LURAP1L: variants seen among roughly 807,000 people sequenced by gnomAD.
LURAP1L encodes leucine rich adaptor protein 1-like.
In LURAP1L, 12 loss-of-function variants were observed where a neutral mutation model predicts 13.8. The observed-to-expected ratio is 0.87, with a 90% CI of 0.56 to 1.41. The LOEUF is 1.41. LURAP1L is among the 40% of genes most tolerant of loss of function. The pLI is 0.00. For missense variants in LURAP1L, 375 were observed against 292.9 expected (o/e 1.28, Z -2.04); for synonymous variants, 139 against 119.2 (o/e 1.17, Z -1.08).
chr9:12,778,966 C>T (rs967437723), intron 1 of LURAP1L, among the ~76,000 whole-genome samples: 2 of 152,276 alleles, frequency 1.3e-5, no homozygotes, highest in Non-Finnish European at 2.9e-5. Flanking sequence ...CCTATGCGTA[C>T]GTACCTATTG....
At position 12,775,751 on chromosome 9, in the gene LURAP1L, C is replaced by G. The variant is rs766243376; in HGVS notation, c.36C>G (p.Ile12Met). ...EDSPLPDLRD[I>M]ELKLGRKVPE... is the part of the protein sequence containing the mutation. ...GCCCGCTGCCAGACCTCAGAGACATCGAGCTGAAGCTGGGGCGCAAAGTAC... is the reference window on the plus strand; with the variant it reads ...GCCCGCTGCCAGACCTCAGAGACATGGAGCTGAAGCTGGGGCGCAAAGTAC... The change falls in exon 1 of 2, where the codon ATC becomes ATG. Residue 12 changes from isoleucine (I) to methionine (M), a missense_variant. Transcript: ENST00000319264. The G allele has an allele frequency of 2.5e-6, 4 of 1,603,636 alleles. No homozygotes were observed. The South Asian group carries it at 3.3e-5, about 13-fold the overall frequency.
intron 1 of LURAP1L, chr9:12,777,348 C>G (rs1819201682): frequency 2.0e-6 from 2 of 985,322 alleles, no homozygotes; most frequent in Middle Eastern, 5.2e-4. Context: ...TACCGTATCA[C>G]AAAGATCAGA....
Position 12,822,078 on chromosome 9 carries a change from T to C in LURAP1L, c.*318T>C. The C allele has an allele frequency of 4.5e-6, 1 of 222,082 alleles. No homozygotes were observed. 13.8% of individuals were successfully genotyped at this position (222,082 alleles called of 1,614,324 possible). On this transcript the variant is annotated 3_prime_UTR_variant, in exon 2 of 2. Transcript: ENST00000319264. ...GTTTTCAGAGCAATGGGTCAGGGAT[T>C]ACAAGAAAAACTTTGCTAAATTTTA...
rs573249113 is a variant in LURAP1L at position 12,791,603 on chromosome 9, T to G, written c.312+15576T>G. Among the ~76,000 whole-genome samples the G allele has an allele frequency of 2.6e-5, 4 of 151,938 alleles. No individual in the cohort carries two copies. In the East Asian group the frequency reaches 5.8e-4, roughly 22 times the overall value. ...TATCCCTTATCCACATTCCCCCAGATGTAAACATTTTATATTGACCTTTCT... is the reference window on the plus strand; with the variant it reads ...TATCCCTTATCCACATTCCCCCAGAGGTAAACATTTTATATTGACCTTTCT... On this transcript the variant is annotated intron_variant, in intron 1 of 1. Coordinates refer to ENST00000319264, the MANE Select transcript of LURAP1L (RefSeq NM_203403.2).
In LURAP1L at chr9:12,775,831, A is replaced by T; in HGVS notation, c.116A>T (p.Asp39Val). ...RGEEPVPRERDRDPCGGSGGG... is the reference protein window; with the variant it reads ...RGEEPVPRERVRDPCGGSGGG... ...GAGGAGCCGGTTCCCAGGGAAAGGG[A>T]CAGGGACCCCTGCGGGGGGAGCGGT... Residue 39 changes from aspartate (D) to valine (V), a missense_variant, in exon 1 of 2, where the codon GAC becomes GTC. Coordinates refer to ENST00000319264, the MANE Select transcript of LURAP1L (RefSeq NM_203403.2). 1 of 1,605,432 alleles carries T rather than the reference A, an allele frequency of 6.2e-7. No homozygotes were observed. Among genetic ancestry groups the T allele is most frequent in the Non-Finnish European group, 8.5e-7 (1 of 1,176,524 alleles).
intron 1 of LURAP1L, among the ~76,000 whole-genome samples, chr9:12,810,385 G>A (rs913098904): frequency 3.3e-5 from 5 of 152,152 alleles, no homozygotes; most frequent in African/African-American, 1.2e-4. Flanking sequence ...CCATGTGTCT[G>A]TCTTCCAGGG....
rs189700558 is a variant in LURAP1L, at chr9:12,819,160, T to C, written c.313-2226T>C. On this transcript the variant is annotated intron_variant, in intron 1 of 1. Transcript: ENST00000319264. ...TCAAGGCTAAGTTCACATCCTTCTG[T>C]TCATGAACGTCTCAGTGAAAAGTAA... Among the ~76,000 whole-genome samples the C allele has an allele frequency of 2.8e-4, 43 of 152,322 alleles. No individual in the cohort carries two copies. The East Asian group carries it at 6.4e-3, about 23-fold the overall frequency.
At chr9:12,814,813 A>G (rs1470900886) in intron 1 of LURAP1L, among the ~76,000 whole-genome samples, 1 of 152,186 alleles carries the variant, frequency 6.6e-6, no homozygotes, top group African/African-American at 2.4e-5. Flanking sequence ...ACGTTCTGGG[A>G]AAAGAGTGAA....
intron 1 of LURAP1L, among the ~76,000 whole-genome samples, chr9:12,781,232 A>C (rs1819265690): frequency 6.6e-6 from 1 of 152,100 alleles, no homozygotes; most frequent in Non-Finnish European, 1.5e-5. Flanking sequence ...CGGCCTCCTA[A>C]AGTGCTGGGA....
chr9:12,797,783 G>A (rs1393727541), intron 1 of LURAP1L, among the ~76,000 whole-genome samples: 1 of 152,048 alleles, frequency 6.6e-6, no homozygotes, highest in African/African-American at 2.4e-5. Context: ...TCATATCCAA[G>A]GGAAAACATA....
In LURAP1L at chr9:12,797,276, C is replaced by G. The variant is rs536864310; in HGVS notation, c.312+21249C>G. ...ACTGCTCCTTACCCTACTTCCTGAG[C>G]AGGGAACTCTAATAACTACAAAACC... On this transcript the variant is annotated intron_variant, in intron 1 of 1. Coordinates refer to ENST00000319264, the MANE Select transcript of LURAP1L (RefSeq NM_203403.2). Among the ~76,000 whole-genome samples, 31 of 152,058 alleles carry G rather than the reference C, an allele frequency of 2.0e-4. No individual in the cohort carries two copies. The East Asian group carries it at 5.4e-3, about 27-fold the overall frequency.
chr9:12,798,677 A>C (rs1819542169), intron 1 of LURAP1L, among the ~76,000 whole-genome samples: 2 of 152,220 alleles, frequency 1.3e-5, no homozygotes, highest in South Asian at 4.1e-4. Flanking sequence ...GGTAGGAGAG[A>C]ACAGCTATTT....
intron 1 of LURAP1L, among the ~76,000 whole-genome samples, chr9:12,781,241 G>C (rs963984674): frequency 2.1e-4 from 32 of 152,258 alleles, no homozygotes; most frequent in Admixed American, 2.0e-4. Flanking sequence ...AAAGTGCTGG[G>C]ATTACAGGTG....
chr9:12,813,539 C>A (rs192091311), intron 1 of LURAP1L, among the ~76,000 whole-genome samples: 5 of 152,106 alleles, frequency 3.3e-5, no homozygotes, highest in East Asian at 3.9e-4. Context: ...TAAAGCAGAA[C>A]TTGATTTTTA....
At position 12,822,678 on chromosome 9, in the gene LURAP1L, A is replaced by T. The variant is rs1287739973; in HGVS notation, c.*918A>T. Among the ~76,000 whole-genome samples the T allele has an allele frequency of 6.6e-6, 1 of 152,210 alleles. No homozygotes were observed. The highest frequency in any genetic ancestry group is 1.5e-5 in the Non-Finnish European group (1 of 68,026). On this transcript the variant is annotated 3_prime_UTR_variant, in exon 2 of 2. Transcript: ENST00000319264. ...ACTGCTTCCCTAAAGCAGAATTGTTATTCATTTAAGAAGTCTAATATGATA... is the reference window on the plus strand; with the variant it reads ...ACTGCTTCCCTAAAGCAGAATTGTTTTTCATTTAAGAAGTCTAATATGATA...
At chr9:12,810,456 G>A (rs1035560115) in intron 1 of LURAP1L, among the ~76,000 whole-genome samples, 1 of 152,088 alleles carries the variant, frequency 6.6e-6, no homozygotes, top group Non-Finnish European at 1.5e-5. Context: ...TTGATTTCCA[G>A]TTTGTTCAGC....
chr9:12,778,260 G>A (rs905466343), intron 1 of LURAP1L, among the ~76,000 whole-genome samples: 2 of 152,006 alleles, frequency 1.3e-5, no homozygotes, highest in Non-Finnish European at 2.9e-5. Flanking sequence ...GAGACATTTA[G>A]CTTATCTTCC....
chr9:12,784,034 T>C (rs1234462730), intron 1 of LURAP1L, among the ~76,000 whole-genome samples: 2 of 152,166 alleles, frequency 1.3e-5, no homozygotes, highest in African/African-American at 4.8e-5. Context: ...TTTTTAAAAA[T>C]TATTTCAATC....
chr9:12,812,896 A>G (rs1214804986), intron 1 of LURAP1L, among the ~76,000 whole-genome samples: 2 of 152,194 alleles, frequency 1.3e-5, no homozygotes, highest in African/African-American at 4.8e-5. Flanking sequence ...AGTATATTTC[A>G]TGTCTCAACA....
Sources: allele counts gnomAD v4.1 joint callset (sites outside exome capture counted in the v4.1 genomes callset), GRCh38; gene constraint gnomAD v4.1.1; transcripts MANE v1.5; gene names NCBI Gene and HGNC (gene_info 2026-07-23, HGNC 2026-07-21).